Variants in ROBO1 observed in about 807,000 individuals in gnomAD.
The protein encoded by ROBO1 is roundabout homolog 1.
A neutral mutation model predicts 195.9 loss-of-function variants in ROBO1; 149 were observed. The observed-to-expected ratio is 0.76, with a 90% CI of 0.67 to 0.87. ROBO1 has a LOEUF of 0.87. Among genes scored for constraint, ROBO1 ranks in the 40% least tolerant of loss-of-function variants. ROBO1 has a pLI of 0.00. For synonymous variants in ROBO1, 816 were observed against 733.2 expected (o/e 1.11, Z -1.82); for missense variants, 1,933 against 2,068.3 (o/e 0.93, Z 1.27).
chr3:79,133,825 T>C (rs1397799349), intron 2 of ROBO1, among the ~76,000 whole-genome samples: 1 of 144,162 alleles, frequency 6.9e-6, no homozygotes, highest in Non-Finnish European at 1.5e-5. Flanking sequence ...TTATCTACTT[T>C]TGGTCTTTGA....
chr3:79,052,927 C>T (rs1390903445), intron 3 of ROBO1, among the ~76,000 whole-genome samples: 1 of 152,048 alleles, frequency 6.6e-6, no homozygotes, highest in Admixed American at 6.6e-5. Flanking sequence ...AAACATCATG[C>T]TTATCTCTGC....
At chr3:79,382,401 G>A (rs2036605029) in intron 2 of ROBO1, among the ~76,000 whole-genome samples, 1 of 152,070 alleles carries the variant, frequency 6.6e-6, no homozygotes, top group Non-Finnish European at 1.5e-5. Flanking sequence ...ATTTGTGTAG[G>A]GAAGCATTTG....
At chr3:79,729,378 C>T (rs1703053948) in intron 1 of ROBO1, among the ~76,000 whole-genome samples, 1 of 151,970 alleles carries the variant, frequency 6.6e-6, no homozygotes, top group South Asian at 2.1e-4. Flanking sequence ...CTGACATGCA[C>T]AGAAATTCAT....
chr3:78,695,397 A>T (rs1424034630), intron 8 of ROBO1, among the ~76,000 whole-genome samples: 1 of 152,090 alleles, frequency 6.6e-6, no homozygotes, highest in Non-Finnish European at 1.5e-5. Flanking sequence ...AGGCCAAGGC[A>T]GGCGGATCAT....
chr3:79,034,884 TA>T, intron 3 of ROBO1, among the ~76,000 whole-genome samples: 1 of 152,224 alleles, frequency 6.6e-6, no homozygotes, highest in East Asian at 1.9e-4. Context: ...ATATATGTCC[TA>T]GAATATGTGA....
At chr3:79,271,689 T>C (rs1439032143) in intron 2 of ROBO1, among the ~76,000 whole-genome samples, 1 of 151,962 alleles carries the variant, frequency 6.6e-6, no homozygotes, top group Non-Finnish European at 1.5e-5. Flanking sequence ...TATGTATGTA[T>C]ATGTGTATAT....
chr3:79,288,231 T>C (rs951115463), intron 2 of ROBO1, among the ~76,000 whole-genome samples: 1 of 152,172 alleles, frequency 6.6e-6, no homozygotes, highest in Non-Finnish European at 1.5e-5. Flanking sequence ...CCCTGATACT[T>C]GTAATTTACT....
chr3:78,722,049 A>G (rs967454912), intron 5 of ROBO1, among the ~76,000 whole-genome samples: 1 of 152,126 alleles, frequency 6.6e-6, no homozygotes, highest in Admixed American at 6.6e-5. Flanking sequence ...ATAAAGGCCT[A>G]AGGAATTTGT....
At chr3:78,840,819 G>A (rs1430131689) in intron 4 of ROBO1, among the ~76,000 whole-genome samples, 1 of 152,094 alleles carries the variant, frequency 6.6e-6, no homozygotes, top group Non-Finnish European at 1.5e-5. Flanking sequence ...CCAGCACTTT[G>A]GGAGGCTGAG....
intron 1 of ROBO1, among the ~76,000 whole-genome samples, chr3:79,613,764 G>A (rs1464899366): frequency 6.6e-6 from 1 of 152,020 alleles, no homozygotes; most frequent in African/African-American, 2.4e-5. Flanking sequence ...CTGATCAAAT[G>A]TTACCAGAGT....
intron 4 of ROBO1, among the ~76,000 whole-genome samples, chr3:78,773,499 A>C (rs576303042): frequency 6.6e-6 from 1 of 152,302 alleles, no homozygotes; most frequent in South Asian, 2.1e-4. Context: ...AAAGAGATTT[A>C]AAAATCCATA....
chr3:79,082,583 T>C (rs2079294049), intron 3 of ROBO1, among the ~76,000 whole-genome samples: 1 of 152,112 alleles, frequency 6.6e-6, no homozygotes, highest in Admixed American at 6.6e-5. Flanking sequence ...TGTAGAAATG[T>C]TCATAGTGGA....
intron 3 of ROBO1, among the ~76,000 whole-genome samples, chr3:78,992,599 C>T (rs1178585040): frequency 1.3e-5 from 2 of 152,258 alleles, no homozygotes; most frequent in South Asian, 4.1e-4. Context: ...CTGTTTAAAA[C>T]AGTGTGAGTC....
At chr3:78,776,103 A>G (rs2083497838) in intron 4 of ROBO1, among the ~76,000 whole-genome samples, 1 of 152,020 alleles carries the variant, frequency 6.6e-6, no homozygotes, top group Admixed American at 6.6e-5. Context: ...CCACCCTTCT[A>G]TGGGTTCCAA....
At position 79,240,222 on chromosome 3, in the gene ROBO1, C is replaced by T. The variant is rs562581660; in HGVS notation, c.89-114683G>A. On this transcript the variant is annotated intron_variant, in intron 2 of 30. Coordinates refer to ENST00000464233, the MANE Select transcript of ROBO1 (RefSeq NM_002941.4). ...GATTCCACATAAAAGTAAAATCTCA[C>T]GGTATTTGTCTTTCTGTGCCTGGCT... Among the ~76,000 whole-genome samples the T allele has an allele frequency of 3.3e-5, 5 of 152,166 alleles. No individual in the cohort carries two copies. The East Asian group carries it at 5.8e-4, about 18-fold the overall frequency.
At position 78,668,041 on chromosome 3, in the gene ROBO1, G is replaced by C; in HGVS notation, c.1808C>G (p.Ser603Cys). The C allele has an allele frequency of 6.2e-7, 1 of 1,613,548 alleles. No individual in the cohort carries two copies. Among genetic ancestry groups the C allele is most frequent in the South Asian group, 1.1e-5 (1 of 91,040 alleles). The stretch of plus-strand genomic sequence containing the variant: ...TGCTACGGTCTGCCAGCTGCTACCA[G>C]ATGCATGGCTAAGGATAGACACACA... ...SYIIEAFSHASGSSWQTVAEN... is the reference protein window; with the variant it reads ...SYIIEAFSHACGSSWQTVAEN... The change falls in exon 14 of 31, where the codon TCT (serine) becomes TGT (cysteine). Residue 603 changes from serine to cysteine, a missense_variant. Physicochemically the swap from Ser to Cys is moderately radical, Grantham distance 112 (BLOSUM62 -1). Around this residue, in one of 3 missense-constraint regions of ROBO1, gnomAD observed 1,737 missense variants for 1,882.5 expected, o/e 0.92. Coordinates refer to ENST00000464233, the MANE Select transcript of ROBO1 (RefSeq NM_002941.4).
chr3:79,214,998 C>T (rs1576825873), intron 2 of ROBO1, among the ~76,000 whole-genome samples: 3 of 151,828 alleles, frequency 2.0e-5, no homozygotes, highest in South Asian at 2.1e-4. Context: ...TGTTAGAAGA[C>T]GGTGATAACA....
At chr3:79,709,643 T>C (rs1161937857) in intron 1 of ROBO1, among the ~76,000 whole-genome samples, 1 of 152,152 alleles carries the variant, frequency 6.6e-6, no homozygotes, top group African/African-American at 2.4e-5. Flanking sequence ...ATACTGGATG[T>C]CACAATAACT....
chr3:78,660,341 T>C (rs1223041398), intron 16 of ROBO1: 1 of 152,986 alleles, frequency 6.5e-6, no homozygotes, highest in African/African-American at 2.4e-5. Flanking sequence ...TTAAATACCT[T>C]GTTTCCACCA....
Sources: allele counts gnomAD v4.1 joint callset (sites outside exome capture counted in the v4.1 genomes callset), GRCh38; gene constraint gnomAD v4.1.1; regional missense constraint gnomAD v4.1.1; transcripts MANE v1.5; gene names NCBI Gene and HGNC (gene_info 2026-07-23, HGNC 2026-07-21).